Variants in MEGF10 observed in about 807,000 individuals in gnomAD.
MEGF10 encodes the protein multiple epidermal growth factor-like domains protein 10.
A neutral mutation model predicts 147.5 loss-of-function variants in MEGF10; 86 were observed. The ratio of observed to expected loss-of-function variants is 0.58; its 90% CI spans 0.49 to 0.70. MEGF10 has a LOEUF of 0.70. Ranked by LOEUF, MEGF10 falls within the 30% of genes least tolerant of loss-of-function variation. The pLI is 0.00. For missense variants in MEGF10, 1,329 were observed against 1,487.3 expected (o/e 0.89, Z 1.75); for synonymous variants, 478 against 525.5 (o/e 0.91, Z 1.24).
intron 1 of MEGF10, among the ~76,000 whole-genome samples, chr5:127,300,319 C>G (rs1160736388): frequency 6.6e-6 from 1 of 152,208 alleles, no homozygotes; most frequent in African/African-American, 2.4e-5. Context: ...GAATACTGTG[C>G]TATCCTTGAA....
At chr5:127,393,199 A>G (rs146686909) in intron 5 of MEGF10, among the ~76,000 whole-genome samples, 17 of 152,304 alleles carry the variant, frequency 1.1e-4, no homozygotes, top group Non-Finnish European at 1.8e-4. Flanking sequence ...GTGAGATTAG[A>G]GTGAGGTGTT....
At chr5:127,257,490 A>C in the MEGF10 span, among the ~76,000 whole-genome samples, 3 of 152,098 alleles carry the variant, frequency 2.0e-5, no homozygotes, top group Non-Finnish European at 2.9e-5. Flanking sequence ...CAGCATGACA[A>C]GCGCCATATT....
intron 5 of MEGF10, among the ~76,000 whole-genome samples, chr5:127,384,527 A>C (rs1426069641): frequency 3.3e-5 from 5 of 152,232 alleles, no homozygotes; most frequent in Admixed American, 6.5e-5. Flanking sequence ...GAGACACATC[A>C]ACATTTGCAC....
chr5:127,265,606 G>A, the MEGF10 span, among the ~76,000 whole-genome samples: 5 of 152,074 alleles, frequency 3.3e-5, no homozygotes, highest in East Asian at 1.9e-4. Context: ...TTTAATGATC[G>A]CCATTCTAAC....
At chr5:127,250,185 G>A in the MEGF10 span, among the ~76,000 whole-genome samples, 3 of 151,960 alleles carry the variant, frequency 2.0e-5, no homozygotes, top group Non-Finnish European at 4.4e-5. Flanking sequence ...ACTTCAAGAT[G>A]AGGATTGTTA....
At chr5:127,302,441 A>G (rs1282832180) in intron 1 of MEGF10, among the ~76,000 whole-genome samples, 3 of 152,166 alleles carry the variant, frequency 2.0e-5, no homozygotes, top group Admixed American at 2.0e-4. Flanking sequence ...CAGAGACAGA[A>G]AGTAGATTAG....
intron 5 of MEGF10, among the ~76,000 whole-genome samples, chr5:127,394,841 T>G (rs68035691): frequency 0.17 from 25,435 of 152,144 alleles, 2,257 homozygotes; most frequent in African/African-American, 0.23. Context: ...CTCATTGTTT[T>G]TAATTGTATT....
chr5:127,272,405 C>T, the MEGF10 span, among the ~76,000 whole-genome samples: 3 of 152,066 alleles, frequency 2.0e-5, no homozygotes, highest in South Asian at 2.1e-4. Context: ...TCCTTGGCTA[C>T]TCAGGCTCTT....
intron 5 of MEGF10, among the ~76,000 whole-genome samples, chr5:127,387,762 G>A (rs551549763): frequency 6.6e-6 from 1 of 152,318 alleles, no homozygotes; most frequent in East Asian, 1.9e-4. Flanking sequence ...GAGTTATTGT[G>A]AGGTTTAAAT....
the MEGF10 span, among the ~76,000 whole-genome samples, chr5:127,271,789 C>T: frequency 1.3e-5 from 2 of 152,170 alleles, no homozygotes; most frequent in East Asian, 1.9e-4. Context: ...CCTGAGGCCT[C>T]CCCAGCCCTG....
chr5:127,316,372 G>C (rs1255992737), intron 1 of MEGF10, among the ~76,000 whole-genome samples: 1 of 152,128 alleles, frequency 6.6e-6, no homozygotes, highest in Non-Finnish European at 1.5e-5. Context: ...AAAGCCTTAA[G>C]CTTTAAATGA....
At position 127,294,835 on chromosome 5, in the gene MEGF10, T is replaced by TAATAAAAAAA. The variant is rs56033520; in HGVS notation, c.-19+3781_-19+3782insTAAAAAAAAA. 2.1e-5 allele frequency among the ~76,000 whole-genome samples: 3 copies of TAATAAAAAAA among 143,142 alleles called. No homozygotes were observed. The South Asian group carries it at 6.6e-4, about 31-fold the overall frequency. The allele number at this position is 143,142 out of a possible 152,430, so 93.9% of individuals were successfully genotyped here. A position where few individuals can be genotyped will look rare whatever the true frequency, so the allele number is the denominator to read the frequency against. On this transcript the variant is annotated intron_variant, in intron 1 of 24. Coordinates refer to ENST00000503335, the MANE Select transcript of MEGF10 (RefSeq NM_001256545.2). ...ATAATAATAATAATAATAATAATAA[T>TAATAAAAAAA]AAATAACTTGGAGTAGAAAAAGGAC...
At chr5:127,351,997 G>A (rs891242973) in intron 4 of MEGF10, among the ~76,000 whole-genome samples, 3 of 152,282 alleles carry the variant, frequency 2.0e-5, no homozygotes, top group Admixed American at 1.3e-4. Flanking sequence ...GTTCCTAGCA[G>A]TGATCATGTT....
chr5:127,371,504 C>T (rs1187791668), intron 5 of MEGF10, among the ~76,000 whole-genome samples: 3 of 152,108 alleles, frequency 2.0e-5, no homozygotes, highest in Non-Finnish European at 4.4e-5. Flanking sequence ...TTATTATAAA[C>T]TAGTGGGATA....
the MEGF10 span, among the ~76,000 whole-genome samples, chr5:127,244,195 CAAAAAAA>C: frequency 5.0e-4 from 35 of 70,576 alleles, no homozygotes; most frequent in African/African-American, 1.1e-3. Context: ...AAACTCTGTC[CAAAAAAA>C]AAAAAAAAAA....
chr5:127,454,693 C>T (rs1766290960), intron 23 of MEGF10, 83 bp downstream of exon 23: 1 of 1,234,166 alleles, frequency 8.1e-7, no homozygotes, highest in African/African-American at 1.5e-5. Context: ...TTTAAACAAG[C>T]TAGAATGGCA....
At chr5:127,323,768 G>A (rs1760889453) in intron 1 of MEGF10, among the ~76,000 whole-genome samples, 1 of 152,174 alleles carries the variant, frequency 6.6e-6, no homozygotes, top group South Asian at 2.1e-4. Context: ...GGTCTCATGA[G>A]TTTATAATAA....
At chr5:127,288,787 G>T (rs1759111176), upstream of MEGF10, among the ~76,000 whole-genome samples, 1 of 152,164 alleles carries the variant, frequency 6.6e-6, no homozygotes, top group African/African-American at 2.4e-5. Flanking sequence ...GTTCCTAGCA[G>T]CTTTATTCAT....
At chr5:127,438,860 C>T (rs1313542992) in intron 17 of MEGF10, among the ~76,000 whole-genome samples, 1 of 152,152 alleles carries the variant, frequency 6.6e-6, no homozygotes, top group African/African-American at 2.4e-5. Context: ...ATCAAATTCT[C>T]AATCCTTTAA....
Sources: gnomAD v4.1 joint callset for allele counts (sites outside exome capture counted in the v4.1 genomes callset) on GRCh38, gnomAD v4.1.1 for gene constraint, MANE v1.5 for transcripts, NCBI Gene and HGNC (gene_info 2026-07-23, HGNC 2026-07-21) for gene names.